DSCAM: variants seen among roughly 807,000 people sequenced by gnomAD.
DSCAM encodes the protein DS cell adhesion molecule.
Under a neutral mutation model 217.7 loss-of-function variants are expected in DSCAM, and 47 were observed. The ratio of observed to expected loss-of-function variants is 0.22; its 90% CI spans 0.17 to 0.28. DSCAM has a LOEUF of 0.28. DSCAM is among the 10% of genes least tolerant of loss of function. DSCAM has a pLI of 1.00. For missense variants in DSCAM, 2,080 were observed against 2,618.3 expected (o/e 0.79, Z 4.49); for synonymous variants, 1,056 against 1,015.3 (o/e 1.04, Z -0.76).
At chr21:40,697,488 C>A (rs372267078) in intron 2 of DSCAM, among the ~76,000 whole-genome samples, 2 of 152,214 alleles carry the variant, frequency 1.3e-5, no homozygotes, top group Middle Eastern at 3.4e-3. Flanking sequence ...AAGTATTTTG[C>A]CCACTTTGAG....
Position 40,178,980 on chromosome 21 carries a change from C to T in DSCAM, c.2894G>A (p.Arg965Gln), listed in dbSNP as rs780886519. ...TYSIRMYAKNRIGKSEPSNEL... is the reference protein window; with the variant it reads ...TYSIRMYAKNQIGKSEPSNEL... ...GTTGCTGGGCTCGCTCTTGCCAATC[C>T]GGTTCTTGGCGTACATGCGGATGCT... Residue 965 changes from arginine (R) to glutamine (Q), a missense_variant, in exon 15 of 33, where the codon CGG (arginine) becomes CAG (glutamine). This residue lies in a region of DSCAM where 1,144 missense variants were observed against 1,421.1 expected (regional missense o/e 0.81). Coordinates refer to ENST00000400454, the MANE Select transcript of DSCAM (RefSeq NM_001389.5). 61 of 1,613,908 alleles carry T rather than the reference C, an allele frequency of 3.8e-5. No individual in the cohort carries two copies. Among genetic ancestry groups the T allele is most frequent in the Middle Eastern group, 3.3e-4 (2 of 6,080 alleles).
intron 11 of DSCAM, among the ~76,000 whole-genome samples, chr21:40,205,602 CAAAA>C (rs35725347): frequency 1.2e-5 from 1 of 83,510 alleles, no homozygotes; most frequent in Non-Finnish European, 2.7e-5. Flanking sequence ...GACTCTATCT[CAAAA>C]AAAAAAAAAA....
chr21:40,203,119 A>C (rs947713962), intron 11 of DSCAM, among the ~76,000 whole-genome samples: 2 of 152,194 alleles, frequency 1.3e-5, no homozygotes, highest in Non-Finnish European at 2.9e-5. Flanking sequence ...GGTAGAGAGG[A>C]GCGGAGCCAG....
chr21:40,536,582 A>G (rs1294287788), intron 3 of DSCAM, among the ~76,000 whole-genome samples: 2 of 151,594 alleles, frequency 1.3e-5, no homozygotes, highest in Non-Finnish European at 2.9e-5. Context: ...TTATTTTTTT[A>G]TTTTTAGTAG....
intron 20 of DSCAM, among the ~76,000 whole-genome samples, chr21:40,122,836 C>T (rs1162306698): frequency 6.6e-6 from 1 of 152,208 alleles, no homozygotes; most frequent in Admixed American, 6.5e-5. Context: ...CAAGCCCACA[C>T]ACTCTCACAC....
In DSCAM at chr21:40,037,974, C is replaced by T. The variant is rs547526744; in HGVS notation, c.5686+4397G>A. Among the ~76,000 whole-genome samples the T allele has an allele frequency of 1.7e-3, 252 of 145,968 alleles. 2 individuals are homozygous for T. Among genetic ancestry groups the T allele is most frequent in the African/African-American group, 6.2e-3 (245 of 39,376 alleles). ...AAACTGGCTAGCCATATGTAGAAAG[C>T]TGAAACTGGATCCCTTCCTTACACC... On this transcript the variant is annotated intron_variant, in intron 32 of 32. Transcript: ENST00000400454.
intron 1 of DSCAM, among the ~76,000 whole-genome samples, chr21:40,718,182 G>A (rs374204255): frequency 6.6e-6 from 1 of 152,184 alleles, no homozygotes; most frequent in Non-Finnish European, 1.5e-5. Flanking sequence ...GTTGGTAAAG[G>A]AAACAACATG....
intron 3 of DSCAM, among the ~76,000 whole-genome samples, chr21:40,472,822 C>A (rs1206528241): frequency 1.3e-5 from 2 of 152,084 alleles, no homozygotes; most frequent in Admixed American, 1.3e-4. Context: ...AACAATTCTC[C>A]CAATATGCAT....
intron 20 of DSCAM, among the ~76,000 whole-genome samples, chr21:40,122,109 TAAC>T (rs1476853360): frequency 6.6e-6 from 1 of 152,218 alleles, no homozygotes; most frequent in Non-Finnish European, 1.5e-5. Context: ...CTACCCCATC[TAAC>T]AACACCTGTG....
In DSCAM at chr21:40,017,744, G is replaced by A. The variant is rs147915838; in HGVS notation, c.5687-4358C>T. On this transcript the variant is annotated intron_variant, in intron 32 of 32. Coordinates refer to ENST00000400454, the MANE Select transcript of DSCAM (RefSeq NM_001389.5). ...TTTTTGTATTTTTAGTAGAGACAGGGTTTCTCCATGTTGGTCAGGCTGGTC... is the reference window on the plus strand; with the variant it reads ...TTTTTGTATTTTTAGTAGAGACAGGATTTCTCCATGTTGGTCAGGCTGGTC... Among the ~76,000 whole-genome samples the A allele has an allele frequency of 2.8e-3, 421 of 152,190 alleles. 3 individuals are homozygous for A. Among genetic ancestry groups the A allele is most frequent in the African/African-American group, 9.4e-3 (392 of 41,530 alleles).
At chr21:40,766,576 C>A (rs2091391961) in intron 1 of DSCAM, among the ~76,000 whole-genome samples, 1 of 146,800 alleles carries the variant, frequency 6.8e-6, no homozygotes, top group South Asian at 2.2e-4. Context: ...ATGGAGAAAA[C>A]ACAGCCTGGA....
intron 20 of DSCAM, among the ~76,000 whole-genome samples, chr21:40,109,945 G>C (rs972437843): frequency 6.6e-6 from 1 of 152,186 alleles, no homozygotes; most frequent in African/African-American, 2.4e-5. Context: ...GGAGCCCACC[G>C]CAGCTCAAGG....
intron 20 of DSCAM, among the ~76,000 whole-genome samples, chr21:40,118,136 G>A (rs1037690948): frequency 2.0e-5 from 3 of 152,162 alleles, no homozygotes; most frequent in East Asian, 1.9e-4. Context: ...TAAAAACTGC[G>A]AAGTCATCCA....
intron 9 of DSCAM, among the ~76,000 whole-genome samples, chr21:40,304,657 AC>A (rs2074052473): frequency 6.6e-6 from 1 of 152,182 alleles, no homozygotes; most frequent in African/African-American, 2.4e-5. Context: ...TCACTGAAAC[AC>A]CGGAGACTGT....
chr21:40,663,532 T>C (rs7279710), intron 3 of DSCAM, among the ~76,000 whole-genome samples: 135,472 of 152,140 alleles, frequency 0.89, 60,444 homozygotes, highest in East Asian at 1. Context: ...GGTTTTCCTT[T>C]GAGGAGCCAT....
chr21:40,020,316 TACCCAG>T (rs2088239985), intron 32 of DSCAM, among the ~76,000 whole-genome samples: 1 of 152,220 alleles, frequency 6.6e-6, no homozygotes, highest in Non-Finnish European at 1.5e-5. Context: ...CTTTATAAAT[TACCCAG>T]TCTCAGGCAA....
At chr21:40,673,903 T>C (rs1384802044) in intron 3 of DSCAM, among the ~76,000 whole-genome samples, 1 of 152,166 alleles carries the variant, frequency 6.6e-6, no homozygotes, top group Non-Finnish European at 1.5e-5. Context: ...TTAAATCTCT[T>C]TTCCTTATAA....
chr21:40,154,990 G>T (rs2090461178), intron 16 of DSCAM, among the ~76,000 whole-genome samples: 1 of 152,208 alleles, frequency 6.6e-6, no homozygotes, highest in African/African-American at 2.4e-5. Flanking sequence ...TTATGACATG[G>T]AATTGAGGTT....
chr21:40,557,610 C>T, intron 3 of DSCAM, among the ~76,000 whole-genome samples: 2 of 152,186 alleles, frequency 1.3e-5, no homozygotes, highest in East Asian at 3.9e-4. Context: ...GTTGAGATGA[C>T]AGGCGTGAGC....
Sources: gnomAD v4.1 joint callset for allele counts (sites outside exome capture counted in the v4.1 genomes callset) on GRCh38, gnomAD v4.1.1 for gene constraint, gnomAD v4.1.1 regional missense constraint, MANE v1.5 for transcripts, NCBI Gene and HGNC (gene_info 2026-07-23, HGNC 2026-07-21) for gene names.